DLG1: variants seen among roughly 807,000 people sequenced by gnomAD.
The protein encoded by DLG1 is discs large MAGUK scaffold protein 1, also known as disks large homolog 1.
Under a neutral mutation model 123.4 loss-of-function variants are expected in DLG1, and 42 were observed. The observed-to-expected ratio is 0.34, with a 90% CI of 0.27 to 0.44. The LOEUF (loss-of-function observed/expected upper bound fraction) is 0.44. Among genes scored for constraint, DLG1 ranks in the 20% least tolerant of loss-of-function variants. DLG1 has a pLI of 1.00. For synonymous variants in DLG1, 317 were observed against 356.2 expected (o/e 0.89, Z 1.24); for missense variants, 942 against 1,082.6 (o/e 0.87, Z 1.82).
At chr3:197,185,261 C>A (rs766696034) in intron 5 of DLG1, among the ~76,000 whole-genome samples, 2 of 152,320 alleles carry the variant, frequency 1.3e-5, no homozygotes, top group South Asian at 2.1e-4. Context: ...CCAGCACCAA[C>A]TGGATGCAGC....
intron 5 of DLG1, among the ~76,000 whole-genome samples, chr3:197,156,987 A>T (rs1796682810): frequency 6.6e-6 from 1 of 152,160 alleles, no homozygotes; most frequent in Admixed American, 6.5e-5. Context: ...CATTCTTCTC[A>T]AGTGCACATG....
intron 14 of DLG1, among the ~76,000 whole-genome samples, chr3:197,092,463 C>G (rs1758268430): frequency 6.6e-6 from 1 of 152,082 alleles, no homozygotes. Context: ...GCTTTTAATC[C>G]TTAGGCTATA....
intron 10 of DLG1, among the ~76,000 whole-genome samples, chr3:197,134,168 A>G (rs1783994995): frequency 6.6e-6 from 1 of 152,286 alleles, no homozygotes; most frequent in East Asian, 1.9e-4. Flanking sequence ...AAGAGTGGTG[A>G]TCTTAGCTGT....
At chr3:197,296,500 G>C in intron 2 of DLG1, 23 bp from the exon 3 acceptor site, 1 of 1,608,832 alleles carries the variant, frequency 6.2e-7, no homozygotes, top group Non-Finnish European at 8.5e-7. Flanking sequence ...AGCAGAGCCT[G>C]ATTAAAACTC....
chr3:197,136,800 C>CT, intron 9 of DLG1, 122 bp from the exon 10 acceptor site: 3 of 841,352 alleles, frequency 3.6e-6, no homozygotes, highest in Non-Finnish European at 5.3e-6. Context: ...AGAAAAGAAT[C>CT]TATTTAGTTA....
intron 5 of DLG1, among the ~76,000 whole-genome samples, chr3:197,158,634 C>CAAAAAAAA (rs71623339): frequency 0.011 from 740 of 67,432 alleles, 59 homozygotes; most frequent in African/African-American, 0.02. Context: ...AACTCCATTT[C>CAAAAAAAA]AAAAAAAAAA....
chr3:197,142,057 T>G (rs1440960709), intron 7 of DLG1, among the ~76,000 whole-genome samples: 2 of 152,330 alleles, frequency 1.3e-5, no homozygotes, highest in East Asian at 3.9e-4. Context: ...CACCTTCAAG[T>G]CATTTTCTGA....
chr3:197,102,472 C>T (rs899188930), intron 14 of DLG1, among the ~76,000 whole-genome samples: 7 of 152,116 alleles, frequency 4.6e-5, no homozygotes, highest in African/African-American at 9.7e-5. Context: ...TCTTAAAATC[C>T]GATTTGTGTT....
At chr3:197,191,944 G>A (rs62283572) in intron 5 of DLG1, among the ~76,000 whole-genome samples, 20,519 of 152,140 alleles carry the variant, frequency 0.13, 1,774 homozygotes, top group South Asian at 0.35. Context: ...GGGAGGTCAA[G>A]GGAAGAGGAT....
intron 17 of DLG1, among the ~76,000 whole-genome samples, chr3:197,079,985 A>G (rs1038283367): frequency 1.3e-5 from 2 of 151,978 alleles, no homozygotes; most frequent in South Asian, 4.1e-4. Flanking sequence ...AAGACTTATA[A>G]AAATTTTGTT....
At chr3:197,178,404 GA>G (rs760176532) in intron 5 of DLG1, among the ~76,000 whole-genome samples, 12 of 152,116 alleles carry the variant, frequency 7.9e-5, no homozygotes, top group Admixed American at 7.9e-4. Flanking sequence ...ATGGCATACT[GA>G]ATAAAGAAGA....
At chr3:197,296,318 A>C in intron 3 of DLG1, 28 bp downstream of exon 3, 1 of 1,604,974 alleles carries the variant, frequency 6.2e-7, no homozygotes, top group Non-Finnish European at 8.5e-7. Context: ...CCTAGCTGGC[A>C]TAATAGTTAC....
intron 3 of DLG1, among the ~76,000 whole-genome samples, chr3:197,286,453 G>T (rs186641435): frequency 6.6e-6 from 1 of 152,192 alleles, no homozygotes; most frequent in Non-Finnish European, 1.5e-5. Flanking sequence ...CGCAGTTCAC[G>T]ACAGGGTTCA....
intron 3 of DLG1, among the ~76,000 whole-genome samples, chr3:197,286,185 A>G (rs1771740198): frequency 6.6e-6 from 1 of 152,196 alleles, no homozygotes; most frequent in Non-Finnish European, 1.5e-5. Context: ...AGACAGTAAA[A>G]AGATCAGTGG....
intron 14 of DLG1, among the ~76,000 whole-genome samples, chr3:197,097,642 G>A (rs1380476443): frequency 4.1e-5 from 6 of 148,032 alleles, no homozygotes; most frequent in Non-Finnish European, 7.4e-5. Context: ...GTGCAGTGGC[G>A]CGATCTCGGC....
At chr3:197,270,043 T>C (rs1763277575) in intron 4 of DLG1, among the ~76,000 whole-genome samples, 1 of 152,190 alleles carries the variant, frequency 6.6e-6, no homozygotes, top group Non-Finnish European at 1.5e-5. Context: ...TGGAAGAATG[T>C]GTCACCTGCC....
chr3:197,182,060 G>A (rs1241994941), intron 5 of DLG1, among the ~76,000 whole-genome samples: 1 of 152,062 alleles, frequency 6.6e-6, no homozygotes, highest in African/African-American at 2.4e-5. Flanking sequence ...TTAATAAACC[G>A]AGTGACAGAT....
chr3:197,136,865 G>C (rs1325424664), intron 9 of DLG1, among the ~76,000 whole-genome samples, 187 bp from the exon 10 acceptor site: 3 of 152,210 alleles, frequency 2.0e-5, no homozygotes, highest in Non-Finnish European at 4.4e-5. Context: ...GCTGCTCCTA[G>C]AGTTACGAAT....
At chr3:197,244,680 G>A (rs1166276236) in intron 4 of DLG1, among the ~76,000 whole-genome samples, 3 of 151,812 alleles carry the variant, frequency 2.0e-5, no homozygotes, top group Non-Finnish European at 1.5e-5. Context: ...TTTTTTGACT[G>A]GGGTATGATG....
Sources: gnomAD v4.1 joint callset for allele counts (sites outside exome capture counted in the v4.1 genomes callset) on GRCh38, gnomAD v4.1.1 for gene constraint, MANE v1.5 for transcripts, NCBI Gene and HGNC (gene_info 2026-07-23, HGNC 2026-07-21) for gene names.